Variants in PDZD2 observed in about 807,000 individuals in gnomAD.
The protein encoded by PDZD2 is PDZ domain-containing protein 2.
Under a neutral mutation model 220.7 loss-of-function variants are expected in PDZD2, and 90 were observed. That is an observed-to-expected ratio of 0.41 (90% CI 0.34 to 0.49). PDZD2 has a LOEUF of 0.49. Ranked by LOEUF, PDZD2 falls within the 20% of genes least tolerant of loss-of-function variation. The pLI, the probability that PDZD2 is intolerant of heterozygous loss-of-function variation, is 0.28. For synonymous variants in PDZD2, 1,375 were observed against 1,450.5 expected (o/e 0.95, Z 1.18); for missense variants, 3,174 against 3,608.5 (o/e 0.88, Z 3.08).
rs1745257613 is a variant in PDZD2 at position 32,110,262 on chromosome 5, CA to C, written c.*2129del. The C allele has an allele frequency of 6.6e-6, 1 of 152,634 alleles. No individual in the cohort carries two copies. The highest frequency in any genetic ancestry group is 2.4e-5 in the African/African-American group (1 of 41,448). 9.5% of individuals were successfully genotyped at this position (152,634 alleles called of 1,614,324 possible). On this transcript the variant is annotated 3_prime_UTR_variant, in exon 25 of 25. Transcript: ENST00000438447. Reference sequence around the variant, plus strand: ...GAGCAAATGGAATGGTCTCCTTCCGCAAGTCTTTTTAATCCTCATATCTGGA... The same window carrying C: ...GAGCAAATGGAATGGTCTCCTTCCGCAGTCTTTTTAATCCTCATATCTGGA...
rs1429766405 is a variant in PDZD2, at chr5:32,090,120, C to T, written c.6672C>T (p.Ser2224=). The T allele has an allele frequency of 6.2e-7, 1 of 1,613,916 alleles. No homozygotes were observed. The highest frequency in any genetic ancestry group is 1.7e-5 in the Admixed American group (1 of 60,016). The change falls in exon 20 of 25, where the codon TCC becomes TCT. Residue 2224 remains serine (S), a synonymous_variant. Transcript: ENST00000438447. The surrounding 1 kb of genome is among the most constrained non-coding windows in gnomAD (Gnocchi z 4.3). ...FTPRPATRTY[S]MPAQFSSHFG... ...CAAGGCCAGCGACCAGGACCTACTC[C>T]ATGCCAGCCCAGTTCTCAAGCCATT...
At chr5:32,053,953 A>T (rs1465575202) in intron 10 of PDZD2, 70 bp downstream of exon 10, 1 of 864,862 alleles carries the variant, frequency 1.2e-6, no homozygotes, top group Non-Finnish European at 2.0e-6. Flanking sequence ...TCTTCACAAG[A>T]TGTGAGTGAA....
At chr5:31,963,933 T>C (rs946732705) in intron 2 of PDZD2, among the ~76,000 whole-genome samples, 2 of 152,142 alleles carry the variant, frequency 1.3e-5, no homozygotes, top group Non-Finnish European at 2.9e-5. Context: ...ACAATACGTC[T>C]TTGCCTCAAG....
At chr5:31,743,817 C>T (rs577175619) in intron 1 of PDZD2, among the ~76,000 whole-genome samples, 12 of 152,122 alleles carry the variant, frequency 7.9e-5, no homozygotes, top group South Asian at 6.2e-4. Context: ...ACATGCCCCA[C>T]GGAAGAAACT....
chr5:31,995,804 T>C (rs1439625250), intron 4 of PDZD2, 86 bp downstream of exon 4: 1 of 1,226,388 alleles, frequency 8.2e-7, no homozygotes, highest in Non-Finnish European at 1.2e-6. Flanking sequence ...GCTCTTCCAC[T>C]TGTTCAAAGC....
At chr5:32,028,400 C>T (rs1426588535) in intron 6 of PDZD2, among the ~76,000 whole-genome samples, 2 of 152,190 alleles carry the variant, frequency 1.3e-5, no homozygotes, top group Admixed American at 1.3e-4. Context: ...AACTAAAACT[C>T]AGTCCCTGTG....
intron 2 of PDZD2, among the ~76,000 whole-genome samples, chr5:31,873,295 A>G (rs975467364): frequency 2.6e-5 from 4 of 151,992 alleles, no homozygotes; most frequent in Admixed American, 1.3e-4. Flanking sequence ...TTAGCTGGGC[A>G]TGGTAGCATG....
chr5:31,929,069 C>A (rs1008170698), intron 2 of PDZD2, among the ~76,000 whole-genome samples: 45 of 152,216 alleles, frequency 3.0e-4, no homozygotes, highest in African/African-American at 1.0e-3. Flanking sequence ...CAAACTGTCC[C>A]CCACCCTTGC....
At position 32,109,116 on chromosome 5, in the gene PDZD2, C is replaced by A. The variant is rs199886007; in HGVS notation, c.*981C>A. 2.0e-5 allele frequency: 3 copies of A among 152,396 alleles called. No homozygotes were observed. Among genetic ancestry groups the A allele is most frequent in the Admixed American group, 1.3e-4 (2 of 15,272 alleles). 9.4% of individuals were successfully genotyped at this position (152,396 alleles called of 1,614,324 possible). Reference sequence around the variant, plus strand: ...GAATTTAAACTAAATTTTTAGAAATCAAGTATCTTTCTAAGTGTCCTTGGA... The same window carrying A: ...GAATTTAAACTAAATTTTTAGAAATAAAGTATCTTTCTAAGTGTCCTTGGA... On this transcript the variant is annotated 3_prime_UTR_variant, in exon 25 of 25. Transcript: ENST00000438447.
intron 2 of PDZD2, chr5:31,908,552 T>C (rs1742893737): frequency 1.0e-6 from 1 of 990,130 alleles, no homozygotes; most frequent in East Asian, 3.2e-5. Flanking sequence ...AGCACAGTAA[T>C]GGCTGGTGTT....
chr5:32,060,348 G>A (rs576976318), intron 13 of PDZD2, among the ~76,000 whole-genome samples: 26 of 152,250 alleles, frequency 1.7e-4, no homozygotes, highest in African/African-American at 6.3e-4. Context: ...AAGAGTCTTT[G>A]TTCTCTCCTA....
intron 1 of PDZD2, among the ~76,000 whole-genome samples, chr5:31,702,615 T>C (rs116375626): frequency 1.9e-3 from 284 of 152,262 alleles, no homozygotes; most frequent in African/African-American, 6.4e-3. Context: ...TGCAAAATGG[T>C]TAAGAATAGG....
intron 1 of PDZD2, among the ~76,000 whole-genome samples, chr5:31,777,585 G>A (rs1752770335): frequency 6.6e-6 from 1 of 152,268 alleles, no homozygotes; most frequent in Non-Finnish European, 1.5e-5. Context: ...GGGCTCCTGA[G>A]TCAGGTGGGG....
At chr5:32,012,298 C>T (rs16901740) in intron 6 of PDZD2, among the ~76,000 whole-genome samples, 48,508 of 152,080 alleles carry the variant, frequency 0.32, 8,868 homozygotes, top group African/African-American at 0.51. Flanking sequence ...CACGTCTGCA[C>T]CCCCTCTGCT....
intron 1 of PDZD2, among the ~76,000 whole-genome samples, chr5:31,640,071 C>T (rs1325633881): frequency 6.6e-6 from 1 of 152,060 alleles, no homozygotes; most frequent in Non-Finnish European, 1.5e-5. Flanking sequence ...AATCTGGTTT[C>T]TCCCTCCCTC....
Position 32,087,845 on chromosome 5 carries a change from G to A in PDZD2, c.4397G>A (p.Gly1466Asp). ...AQGHPPAGAGGGSSCRAEPVP... is the reference protein window; with the variant it reads ...AQGHPPAGAGDGSSCRAEPVP... The stretch of plus-strand genomic sequence containing the variant: ...GGCCACCCACCAGCCGGGGCTGGAG[G>A]TGGGAGCTCCTGCCGTGCCGAACCA... The change falls in exon 20 of 25, where the codon GGT becomes GAT. Residue 1466 changes from glycine to aspartate, a missense_variant. This residue lies in a region of PDZD2 where 1,861 missense variants were observed against 2,001.0 expected (regional missense o/e 0.93). Transcript: ENST00000438447. The surrounding 1 kb of genome is among the most constrained non-coding windows in gnomAD (Gnocchi z 4.0). 1 of 1,611,654 alleles carries A rather than the reference G, an allele frequency of 6.2e-7. No individual in the cohort carries two copies. The highest frequency in any genetic ancestry group is 8.5e-7 in the Non-Finnish European group (1 of 1,179,162).
chr5:31,983,197 G>A lies in PDZD2; in HGVS notation c.519G>A (p.Leu173=), dbSNP rs1396102209. 2.5e-6 allele frequency: 4 copies of A among 1,614,126 alleles called. No homozygotes were observed. The highest frequency in any genetic ancestry group is 3.4e-6 in the Non-Finnish European group (4 of 1,180,008). The change falls in exon 3 of 25, where the codon CTG becomes CTA. Residue 173 remains leucine, a synonymous_variant. Coordinates refer to ENST00000438447, the MANE Select transcript of PDZD2 (RefSeq NM_178140.4). ...GCTGGAATGGCGGCTTTATCTACCTGATCATGCTGCGTCGCTTTAAGCACA... is the reference window on the plus strand; with the variant it reads ...GCTGGAATGGCGGCTTTATCTACCTAATCATGCTGCGTCGCTTTAAGCACA... ...EQCWNGGFIY[L]IMLRRFKHKA...
At chr5:32,037,413 C>A in intron 7 of PDZD2, 71 bp downstream of exon 7, 1 of 869,650 alleles carries the variant, frequency 1.1e-6, no homozygotes, top group Non-Finnish European at 1.9e-6. Context: ...GGAGATGAAG[C>A]CATTGCCGGG....
In PDZD2 at chr5:32,087,477, C is replaced by G. The variant is rs12520467; in HGVS notation, c.4029C>G (p.Asp1343Glu). ...MTPAGAVLPG[D>E]PLTSQEQRQG... ...CAGCTGGTGCTGTCCTGCCAGGAGA[C>G]CCCCTCACATCCCAGGAGCAGAGAC... Residue 1343 changes from aspartate (D) to glutamate (E), a missense_variant, in exon 20 of 25, where the codon GAC (aspartate) becomes GAG (glutamate). Asp to Glu is a conservative substitution (Grantham distance 45). Coordinates refer to ENST00000438447, the MANE Select transcript of PDZD2 (RefSeq NM_178140.4). This position sits in a 1 kb window ranked among gnomAD's most constrained non-coding sequence, Gnocchi z 4.0. The G allele has an allele frequency of 4.3e-5, 70 of 1,613,476 alleles. No homozygotes were observed. The South Asian group carries it at 6.7e-4, about 15-fold the overall frequency.
Sources: allele counts gnomAD v4.1 joint callset (sites outside exome capture counted in the v4.1 genomes callset), GRCh38; gene constraint gnomAD v4.1.1; regional missense constraint gnomAD v4.1.1; non-coding constraint Gnocchi (gnomAD v3.1); transcripts MANE v1.5; gene names NCBI Gene and HGNC (gene_info 2026-07-23, HGNC 2026-07-21).